Variants in GLP2R observed in about 807,000 individuals in gnomAD.
The protein encoded by GLP2R is glucagon like peptide 2 receptor.
A neutral mutation model predicts 68.2 loss-of-function variants in GLP2R; 59 were observed. The ratio of observed to expected loss-of-function variants is 0.87; its 90% confidence interval spans 0.70 to 1.07. GLP2R has a LOEUF of 1.07. GLP2R is among the 50% of genes least tolerant of loss of function. GLP2R has a pLI of 0.00. For synonymous variants in GLP2R, 270 were observed against 265.4 expected (o/e 1.02, Z -0.17); for missense variants, 548 against 677.4 (o/e 0.81, Z 2.12).
intron 6 of GLP2R, among the ~76,000 whole-genome samples, chr17:9,857,840 T>C (rs1028625325): frequency 1.3e-4 from 20 of 152,236 alleles, no homozygotes; most frequent in Non-Finnish European, 2.4e-4. Flanking sequence ...ACAAAAGAAT[T>C]GGACCAGATC....
At chr17:9,853,233 C>T (rs545814692) in intron 4 of GLP2R, 24 of 305,016 alleles carry the variant, frequency 7.9e-5, no homozygotes, top group South Asian at 1.3e-4. Context: ...TCGTCTTTGT[C>T]GGCCTTTAGT....
At chr17:9,827,398 G>A (rs1048567504) in intron 1 of GLP2R, among the ~76,000 whole-genome samples, 2 of 152,120 alleles carry the variant, frequency 1.3e-5, no homozygotes, top group African/African-American at 4.8e-5. Context: ...TTACAGATGA[G>A]TAAACTGAGT....
At chr17:9,858,033 A>C (rs879360346) in intron 6 of GLP2R, among the ~76,000 whole-genome samples, 4 of 152,212 alleles carry the variant, frequency 2.6e-5, no homozygotes, top group Non-Finnish European at 5.9e-5. Context: ...CTATTCACAT[A>C]GCGTTTACAT....
chr17:9,852,489 T>G (rs1320970245), intron 4 of GLP2R, among the ~76,000 whole-genome samples: 1 of 152,064 alleles, frequency 6.6e-6, no homozygotes, highest in Non-Finnish European at 1.5e-5. Context: ...TATTAGAAAA[T>G]TGGAAAAATA....
chr17:9,887,624 T>C (rs970797393), intron 11 of GLP2R, among the ~76,000 whole-genome samples: 1 of 152,172 alleles, frequency 6.6e-6, no homozygotes. Flanking sequence ...ATTGAATGAA[T>C]GACACAAGGT....
intron 1 of GLP2R, among the ~76,000 whole-genome samples, chr17:9,828,601 C>T (rs1567715322): frequency 1.3e-5 from 2 of 152,152 alleles, no homozygotes; most frequent in South Asian, 4.1e-4. Flanking sequence ...TACAGATGGG[C>T]AAATTAAGCT....
In GLP2R at chr17:9,832,004, G is replaced by A. The variant is rs753394678; in HGVS notation, c.190-1803G>A. Among the ~76,000 whole-genome samples the A allele has an allele frequency of 3.5e-4, 54 of 152,296 alleles. 1 individual carries two copies. The Middle Eastern group carries it at 0.02, about 58-fold the overall frequency. On this transcript the variant is annotated intron_variant, in intron 1 of 12. Coordinates refer to ENST00000262441, the MANE Select transcript of GLP2R (RefSeq NM_004246.3). ...CATGCCAGCCAGTTATATAGCTGCC[G>A]TCTCTAGAACAGATTCTAAGTCCTT... is the stretch of plus-strand genomic sequence containing the variant.
chr17:9,859,238 A>G (rs1253964608), intron 6 of GLP2R, among the ~76,000 whole-genome samples: 1 of 152,020 alleles, frequency 6.6e-6, no homozygotes, highest in Non-Finnish European at 1.5e-5. Flanking sequence ...TTAGAAGTCT[A>G]TTTTCTAATT....
At chr17:9,876,086 A>G (rs925235442) in intron 10 of GLP2R, among the ~76,000 whole-genome samples, 2 of 152,150 alleles carry the variant, frequency 1.3e-5, no homozygotes, top group Admixed American at 6.5e-5. Context: ...CATGTTGGTC[A>G]GGCTGGTCTC....
rs1228241545 is a variant in GLP2R at position 9,890,066 on chromosome 17, G to A, written c.*361G>A. ...TCTTCCTTTATCCCTTGGGGTGCAT[G>A]CTTTCCATCTGAGGTTGGGTTTAGG... On this transcript the variant is annotated 3_prime_UTR_variant, in exon 13 of 13. Coordinates refer to ENST00000262441, the MANE Select transcript of GLP2R (RefSeq NM_004246.3). 2.2e-6 allele frequency: 1 copy of A among 463,990 alleles called. No individual in the cohort carries two copies. The highest frequency in any genetic ancestry group is 1.5e-5 in the South Asian group (1 of 64,628). 28.7% of individuals were successfully genotyped at this position (463,990 alleles called of 1,614,324 possible).
At chr17:9,841,307 C>T (rs1033207614) in intron 3 of GLP2R, among the ~76,000 whole-genome samples, 4 of 151,450 alleles carry the variant, frequency 2.6e-5, no homozygotes, top group African/African-American at 4.9e-5. Context: ...GGGTTACAGG[C>T]GTGAGCCACC....
chr17:9,889,665 C>A lies in GLP2R; in HGVS notation c.1622C>A (p.Ala541Asp). ...TGCAGTGAGGGGGATGTCACCATGG[C>A]CAACACCATGGAGGAGATTCTGGAA... is the stretch of plus-strand genomic sequence containing the variant. ...SECSEGDVTM[A>D]NTMEEILEES... Residue 541 changes from alanine to aspartate, a missense_variant, in exon 13 of 13, where the codon GCC becomes GAC. Transcript: ENST00000262441. The A allele has an allele frequency of 6.2e-7, 1 of 1,602,016 alleles. No homozygotes were observed.
chr17:9,862,555 G>A (rs2066996528), intron 9 of GLP2R, among the ~76,000 whole-genome samples: 1 of 152,170 alleles, frequency 6.6e-6, no homozygotes, highest in Admixed American at 6.5e-5. Flanking sequence ...AGACATAGAT[G>A]CTACTCTGAG....
At chr17:9,873,408 G>A (rs193281486) in intron 10 of GLP2R, among the ~76,000 whole-genome samples, 1 of 152,264 alleles carries the variant, frequency 6.6e-6, no homozygotes, top group Admixed American at 6.5e-5. Context: ...CAGCTGGCCA[G>A]AAGTGCAGCC....
Position 9,860,111 on chromosome 17 carries a change from C to G in GLP2R, c.925+10C>G, listed in dbSNP as rs1254986751. ...CTGCTGTTGGGTTGGGGTGAGTGACCTGACCTTCAGCTTCCTTTCCTGGGG... is the reference window on the plus strand; with the variant it reads ...CTGCTGTTGGGTTGGGGTGAGTGACGTGACCTTCAGCTTCCTTTCCTGGGG... On this transcript the variant is annotated intron_variant, in intron 7 of 12. Transcript: ENST00000262441. 4.4e-6 allele frequency: 7 copies of G among 1,579,218 alleles called. No individual in the cohort carries two copies. The highest frequency in any genetic ancestry group is 2.7e-5 in the African/African-American group (2 of 73,880).
intron 4 of GLP2R, among the ~76,000 whole-genome samples, chr17:9,843,673 T>C (rs2066809434): frequency 6.6e-6 from 1 of 152,216 alleles, no homozygotes; most frequent in South Asian, 2.1e-4. Flanking sequence ...CTCTTCTCCC[T>C]GAGGACCTCC....
intron 9 of GLP2R, among the ~76,000 whole-genome samples, chr17:9,864,649 A>G (rs998355247): frequency 5.3e-5 from 8 of 151,976 alleles, no homozygotes; most frequent in African/African-American, 1.9e-4. Context: ...CAGCCTCCCT[A>G]GTAGTTGGGA....
At chr17:9,858,229 G>A (rs768413258) in intron 6 of GLP2R, among the ~76,000 whole-genome samples, 24 of 152,214 alleles carry the variant, frequency 1.6e-4, no homozygotes, top group South Asian at 6.2e-4. Flanking sequence ...TTTTCTTGAA[G>A]CAGCAATGCT....
intron 11 of GLP2R, among the ~76,000 whole-genome samples, chr17:9,881,470 T>G (rs1258836399): frequency 1.6e-5 from 2 of 123,100 alleles, no homozygotes; most frequent in South Asian, 2.4e-4. Flanking sequence ...AAGCTCCGCC[T>G]CCCGGGTTCA....
Sources: allele counts gnomAD v4.1 joint callset (sites outside exome capture counted in the v4.1 genomes callset), GRCh38; gene constraint gnomAD v4.1.1; transcripts MANE v1.5; gene names NCBI Gene and HGNC (gene_info 2026-07-23, HGNC 2026-07-21).